COL5A2: variants seen among roughly 807,000 people sequenced by gnomAD.
COL5A2 encodes collagen alpha-2(V) chain.
Under a neutral mutation model 208.2 loss-of-function variants are expected in COL5A2, and 23 were observed. That is an observed-to-expected ratio of 0.11 (90% CI 0.08 to 0.16). COL5A2 has a LOEUF of 0.16. COL5A2 is among the 10% of genes least tolerant of loss of function. The probability of loss-of-function intolerance (pLI) is 1.00; values close to 1 mark genes in which losing one functional copy is unlikely to be tolerated. For synonymous variants in COL5A2, 625 were observed against 628.5 expected, an observed-to-expected ratio of 0.99 and a Z score of 0.08; for missense variants, 1,590 against 1,956.4, an observed-to-expected ratio of 0.81 and a Z score of 3.53.
At chr2:189,271,676 C>T in the COL5A2 span, among the ~76,000 whole-genome samples, 1 of 152,004 alleles carries the variant, frequency 6.6e-6, no homozygotes, top group African/African-American at 2.4e-5. Context: ...AATTAAACTA[C>T]AGAGCTTCTG....
chr2:189,068,969 C>G (rs1391176826), intron 18 of COL5A2, 85 bp from the exon 19 acceptor site: 2 of 943,438 alleles, frequency 2.1e-6, no homozygotes, highest in African/African-American at 3.2e-5. Context: ...TGGAATTTTA[C>G]ATTTGAAACC....
At chr2:189,064,105 T>C (rs1335671404) in intron 25 of COL5A2, 72 bp from the exon 26 acceptor site, 4 of 1,252,040 alleles carry the variant, frequency 3.2e-6, no homozygotes, top group Non-Finnish European at 3.5e-6. Context: ...AGAGTAAAAA[T>C]AGTGTTGCAT....
chr2:189,228,292 G>T (rs1689442652), upstream of COL5A2, among the ~76,000 whole-genome samples: 2 of 151,076 alleles, frequency 1.3e-5, no homozygotes, highest in Admixed American at 6.6e-5. Context: ...CAGAGGGAAA[G>T]AAATAAATAA....
At position 189,114,456 on chromosome 2, in the gene COL5A2, T is replaced by C. The variant is rs180771933; in HGVS notation, c.98-4007A>G. Among the ~76,000 whole-genome samples the C allele has an allele frequency of 1.8e-3, 272 of 152,062 alleles. 1 individual carries two copies. The highest frequency in any genetic ancestry group is 6.1e-3 in the African/African-American group (254 of 41,466). On this transcript the variant is annotated intron_variant, in intron 1 of 53. Transcript: ENST00000374866. ...AAATTGCAGCCAATTTGTTGAAAAATATTGCAGTAAAGTTGTCATAATAGA... is the reference window on the plus strand; with the variant it reads ...AAATTGCAGCCAATTTGTTGAAAAACATTGCAGTAAAGTTGTCATAATAGA...
chr2:189,306,282 C>T, the COL5A2 span, among the ~76,000 whole-genome samples: 129,539 of 152,126 alleles, frequency 0.85, 56,365 homozygotes, highest in Non-Finnish European at 0.95. Context: ...ATCTTTCCTA[C>T]CTAACATGCT....
chr2:189,267,984 T>C, the COL5A2 span, among the ~76,000 whole-genome samples: 4 of 152,152 alleles, frequency 2.6e-5, no homozygotes, highest in East Asian at 7.7e-4. Context: ...TTATTGACTA[T>C]TTAATACAAA....
At chr2:189,306,968 CA>C in the COL5A2 span, among the ~76,000 whole-genome samples, 80 of 152,230 alleles carry the variant, frequency 5.3e-4, no homozygotes, top group African/African-American at 1.9e-3. Flanking sequence ...CCCATTTCCT[CA>C]AAATATAATG....
the COL5A2 span, among the ~76,000 whole-genome samples, chr2:189,339,341 ACT>A: frequency 2.8e-5 from 4 of 141,384 alleles, no homozygotes; most frequent in East Asian, 6.1e-4. Context: ...ACAGAGTAAG[ACT>A]CTGTCTCAAA....
rs187920653 is a variant in COL5A2, at chr2:189,034,824, A to G, written c.4353+92T>C. 612 of 1,488,804 alleles carry G rather than the reference A, an allele frequency of 4.1e-4. 2 individuals are homozygous for G. In the African/African-American group the frequency reaches 7.5e-3, roughly 18 times the overall value. 92.2% of individuals were successfully genotyped at this position (1,488,804 alleles called of 1,614,324 possible). ...TGCTATTATGCTCATATACAAGGTA[A>G]AATTGCCCCCAGTTCTAGTGCTGTA... is the stretch of plus-strand genomic sequence containing the variant. On this transcript the variant is annotated intron_variant, in intron 53 of 53. Transcript: ENST00000374866.
the COL5A2 span, among the ~76,000 whole-genome samples, chr2:189,262,142 T>C: frequency 6.6e-6 from 1 of 152,106 alleles, no homozygotes. Context: ...ACTCCTTAAA[T>C]AAGATTACAT....
intron 4 of COL5A2, among the ~76,000 whole-genome samples, chr2:189,099,438 A>G (rs1687003613): frequency 6.6e-6 from 1 of 152,092 alleles, no homozygotes; most frequent in Non-Finnish European, 1.5e-5. Context: ...CAGCCCGGCC[A>G]AACTGGTGAA....
At chr2:189,402,620 C>T in the COL5A2 span, among the ~76,000 whole-genome samples, 1 of 152,164 alleles carries the variant, frequency 6.6e-6, no homozygotes, top group South Asian at 2.1e-4. Flanking sequence ...TATGGCTAGC[C>T]AGTTCTCCCA....
chr2:189,340,514 C>T, the COL5A2 span, among the ~76,000 whole-genome samples: 2 of 152,210 alleles, frequency 1.3e-5, no homozygotes, highest in Non-Finnish European at 2.9e-5. Flanking sequence ...TCCCTAGGCT[C>T]CCAAACCACG....
At chr2:189,287,398 A>G in the COL5A2 span, among the ~76,000 whole-genome samples, 3 of 151,972 alleles carry the variant, frequency 2.0e-5, no homozygotes, top group African/African-American at 4.8e-5. Context: ...CACAAGCACA[A>G]TGGACACAGG....
At chr2:189,398,899 G>A in the COL5A2 span, among the ~76,000 whole-genome samples, 1 of 151,952 alleles carries the variant, frequency 6.6e-6, no homozygotes, top group South Asian at 2.1e-4. Context: ...GTTATTCTAT[G>A]ATTACAATAA....
the COL5A2 span, among the ~76,000 whole-genome samples, chr2:189,241,873 T>C: frequency 6.6e-6 from 1 of 152,188 alleles, no homozygotes; most frequent in South Asian, 2.1e-4. Context: ...ACTTTGCTGG[T>C]ACCAGGTATT....
At chr2:189,127,585 A>G (rs762158741) in intron 1 of COL5A2, among the ~76,000 whole-genome samples, 2 of 151,982 alleles carry the variant, frequency 1.3e-5, no homozygotes, top group Non-Finnish European at 2.9e-5. Flanking sequence ...AATTTCTTTG[A>G]TTGTCATGTA....
chr2:189,150,672 A>G (rs893626553), intron 1 of COL5A2, among the ~76,000 whole-genome samples: 2 of 152,106 alleles, frequency 1.3e-5, no homozygotes, highest in African/African-American at 4.8e-5. Flanking sequence ...TAGACAATAA[A>G]TGTTTCTTGA....
rs1685946732 is a variant in COL5A2, at chr2:189,058,377, T to C, written c.2229+52A>G. 8 of 1,336,198 alleles carry C rather than the reference T, an allele frequency of 6.0e-6. No homozygotes were observed. The Admixed American group carries it at 1.3e-4, about 22-fold the overall frequency. The allele number at this position is 1,336,198 out of a possible 1,614,324, so 82.8% of individuals were successfully genotyped here. A position where few individuals can be genotyped will look rare whatever the true frequency, so the allele number is the denominator to read the frequency against. On this transcript the variant is annotated intron_variant, in intron 33 of 53. Coordinates refer to ENST00000374866, the MANE Select transcript of COL5A2 (RefSeq NM_000393.5). ...CATTCTCACACCATCATGCGTTTAT[T>C]AAGCAGTAATTTTAAAGCATTTTAA... is the stretch of plus-strand genomic sequence containing the variant.
Sources: allele counts gnomAD v4.1 joint callset (sites outside exome capture counted in the v4.1 genomes callset), GRCh38; gene constraint gnomAD v4.1.1; transcripts MANE v1.5; gene names NCBI Gene and HGNC (gene_info 2026-07-23, HGNC 2026-07-21).